TBR1: variants seen among roughly 807,000 people sequenced by gnomAD.
The protein encoded by TBR1 is T-box brain transcription factor 1.
Under a neutral mutation model 60.3 loss-of-function variants are expected in TBR1, and 7 were observed. The observed-to-expected ratio is 0.12, with a 90% CI of 0.07 to 0.22. The LOEUF (loss-of-function observed/expected upper bound fraction) is 0.22. Ranked by LOEUF, TBR1 falls within the 10% of genes least tolerant of loss-of-function variation. The pLI, the probability that TBR1 is intolerant of heterozygous loss-of-function variation, is 1.00. For missense variants in TBR1, 616 were observed against 936.8 expected (o/e 0.66, Z 4.47); for synonymous variants, 417 against 409.9 (o/e 1.02, Z -0.21).
chr2:161,423,948 C>T lies in TBR1; in HGVS notation c.1770C>T (p.Ala590=), dbSNP rs1357277521. The change falls in exon 6 of 6, where the codon GCC becomes GCT. Residue 590 remains alanine (A), a synonymous_variant. Transcript: ENST00000389554. ...PYLGEEAEGL[A]AERSPLPPGA... ...TGGGCGAGGAGGCCGAGGGCCTGGCCGCCGAGCGCTCGCCGCTGCCGCCCG... is the reference window on the plus strand; with the variant it reads ...TGGGCGAGGAGGCCGAGGGCCTGGCTGCCGAGCGCTCGCCGCTGCCGCCCG... 1 of 1,545,474 alleles carries T rather than the reference C, an allele frequency of 6.5e-7. No individual in the cohort carries two copies.
intron 3 of TBR1, 192 bp from the exon 4 acceptor site, chr2:161,418,700 C>T (rs184705284): frequency 8.0e-6 from 6 of 749,680 alleles, no homozygotes; most frequent in Admixed American, 3.7e-5. Flanking sequence ...TATCTTCGCT[C>T]CCAGAGGTGC....
Position 161,418,303 on chromosome 2 carries a change from C to G in TBR1, c.950C>G (p.Ala317Gly). 1 of 1,613,916 alleles carries G rather than the reference C, an allele frequency of 6.2e-7. No homozygotes were observed. Reference protein sequence around the residue: ...GKLKLTNNKGASNNNGQMVVL... With the variant: ...GKLKLTNNKGGSNNNGQMVVL... ...TTAAAACTTACGAACAACAAAGGAG[C>G]TTCAAATAACAATGGGCAGGTCAGT... is the stretch of plus-strand genomic sequence containing the variant. Residue 317 changes from alanine (A) to glycine (G), a missense_variant, in exon 3 of 6, where the codon GCT (alanine) becomes GGT (glycine). By Grantham distance (60) the Ala-to-Gly change is moderately conservative (BLOSUM62 0). Coordinates refer to ENST00000389554, the MANE Select transcript of TBR1 (RefSeq NM_006593.4).
intron 3 of TBR1, 26 bp from the exon 4 acceptor site, chr2:161,418,866 C>T (rs1304865671): frequency 6.3e-7 from 1 of 1,599,180 alleles, no homozygotes; most frequent in Non-Finnish European, 8.5e-7. Flanking sequence ...CGCCACCCGG[C>T]GCTCCCCTTT....
rs1370469318 is a variant in TBR1 at position 161,416,860 on chromosome 2, G to A, written c.450G>A (p.Pro150=). 3.7e-6 allele frequency: 6 copies of A among 1,613,946 alleles called. No individual in the cohort carries two copies. Among genetic ancestry groups the A allele is most frequent in the Non-Finnish European group, 4.2e-6 (5 of 1,179,994 alleles). ...GSPSRYMAHH[P]VITNGAYNSL... ...CTAGCCGCTACATGGCCCACCACCC[G>A]GTCATCACCAACGGAGCCTACAACA... The change falls in exon 1 of 6, where the codon CCG becomes CCA. Residue 150 remains proline, a synonymous_variant. Transcript: ENST00000389554. The surrounding 1 kb of genome is among the most constrained non-coding windows in gnomAD (Gnocchi z 6.1).
intron 5 of TBR1, chr2:161,420,790 G>A (rs3769956): frequency 0.099 from 15,138 of 152,442 alleles, 828 homozygotes; most frequent in African/African-American, 0.14. Flanking sequence ...AGTTGGCTAC[G>A]GACTGAATAC....
At chr2:161,422,960 G>GTT (rs1684256193) in intron 5 of TBR1, 1 of 164,454 alleles carries the variant, frequency 6.1e-6, no homozygotes, top group East Asian at 1.7e-4. Flanking sequence ...GCAGAGGAAA[G>GTT]GCCCACTGGG....
Position 161,417,596 on chromosome 2 carries a change from GC to G in TBR1, c.693-76del. On this transcript the variant is annotated intron_variant, in intron 1 of 5. Coordinates refer to ENST00000389554, the MANE Select transcript of TBR1 (RefSeq NM_006593.4). The surrounding 1 kb of genome is among the most constrained non-coding windows in gnomAD (Gnocchi z 5.3). ...TACAAGTTTTGCTTTGCTAACTGGC[GC>G]CCCGCTTCTTGCATTTAATCTTTAA... 6.6e-7 allele frequency: 1 copy of G among 1,515,954 alleles called. No individual in the cohort carries two copies. The highest frequency in any genetic ancestry group is 8.9e-7 in the Non-Finnish European group (1 of 1,126,928). The allele number at this position is 1,515,954 out of a possible 1,614,324, so 93.9% of individuals were successfully genotyped here. A position where few individuals can be genotyped will look rare whatever the true frequency, so the allele number is the denominator to read the frequency against.
chr2:161,423,584 C>A lies in TBR1; in HGVS notation c.1406C>A (p.Ser469Ter). 1 of 1,542,988 alleles carries A rather than the reference C, an allele frequency of 6.5e-7. No individual in the cohort carries two copies. Among genetic ancestry groups the A allele is most frequent in the Non-Finnish European group, 8.7e-7 (1 of 1,150,310 alleles). The change falls in exon 6 of 6, where the codon TCG becomes TAG. Residue 469 changes from serine to a stop codon, truncating the protein, a stop_gained. Coordinates refer to ENST00000389554, the MANE Select transcript of TBR1 (RefSeq NM_006593.4). LOFTEE classifies it high-confidence loss of function. ...GTGCCGCACACCAACGGGCTGCTGT[C>A]GCCGCAGCAGGCCGAGGACCCGGGC... ...RSVPHTNGLL[S>*]PQQAEDPGAP...
At position 161,423,441 on chromosome 2, in the gene TBR1, C is replaced by A; in HGVS notation, c.1263C>A (p.Pro421=). Residue 421 remains proline, a synonymous_variant, in exon 6 of 6, where the codon CCC becomes CCA. Transcript: ENST00000389554. ...PNDSPRSQIV[P]GARYAMAGSF... ...ACTCGCCGCGCTCGCAGATCGTGCC[C>A]GGGGCCCGCTACGCCATGGCCGGCT... 6.2e-7 allele frequency: 1 copy of A among 1,603,392 alleles called. No individual in the cohort carries two copies.
At position 161,423,481 on chromosome 2, in the gene TBR1, C is replaced by A; in HGVS notation, c.1303C>A (p.Gln435Lys). 1 of 1,607,050 alleles carries A rather than the reference C, an allele frequency of 6.2e-7. No individual in the cohort carries two copies. The change falls in exon 6 of 6, where the codon CAG (glutamine) becomes AAG (lysine). Residue 435 changes from glutamine to lysine, a missense_variant. Coordinates refer to ENST00000389554, the MANE Select transcript of TBR1 (RefSeq NM_006593.4). ...CATGGCCGGCTCTTTCCTGCAGGAC[C>A]AGTTCGTGAGCAACTACGCCAAGGC... Reference protein sequence around the residue: ...YAMAGSFLQDQFVSNYAKARF... With the variant: ...YAMAGSFLQDKFVSNYAKARF...
intron 5 of TBR1, chr2:161,422,559 C>T (rs184584623): frequency 6.6e-6 from 1 of 152,254 alleles, no homozygotes; most frequent in East Asian, 1.9e-4. Flanking sequence ...GTAGGTTTGC[C>T]CCGAAGTTTC....
chr2:161,416,478 G>C lies in TBR1; in HGVS notation c.68G>C (p.Ser23Thr). The C allele has an allele frequency of 6.2e-7, 1 of 1,613,934 alleles. No individual in the cohort carries two copies. Among genetic ancestry groups the C allele is most frequent in the Non-Finnish European group, 8.5e-7 (1 of 1,179,872 alleles). Residue 23 changes from serine to threonine, a missense_variant, in exon 1 of 6, where the codon AGC becomes ACC. Transcript: ENST00000389554. This position sits in a 1 kb window ranked among gnomAD's most constrained non-coding sequence, Gnocchi z 6.1. ...LSKKFLNVSS[S>T]YPHSGGSELV... ...AAGAAATTTCTCAATGTGAGCAGCA[G>C]CTACCCACATTCAGGCGGATCCGAG...
At position 161,417,456 on chromosome 2, in the gene TBR1, A is replaced by C; in HGVS notation, c.693-220A>C. 1 of 633,520 alleles carries C rather than the reference A, an allele frequency of 1.6e-6. No homozygotes were observed. Among genetic ancestry groups the C allele is most frequent in the East Asian group, 2.9e-5 (1 of 34,488 alleles). 39.2% of individuals were successfully genotyped at this position (633,520 alleles called of 1,614,324 possible). Reference sequence around the variant, plus strand: ...CTCGCTCTCCACCTGGGCAGTGATAACTGCCACCTTCCCACTCCAGCTCAC... The same window carrying C: ...CTCGCTCTCCACCTGGGCAGTGATACCTGCCACCTTCCCACTCCAGCTCAC... On this transcript the variant is annotated intron_variant, in intron 1 of 5. Coordinates refer to ENST00000389554, the MANE Select transcript of TBR1 (RefSeq NM_006593.4). The surrounding 1 kb of genome is among the most constrained non-coding windows in gnomAD (Gnocchi z 5.3).
In TBR1 at chr2:161,418,883, G is replaced by A. The variant is rs778035346; in HGVS notation, c.970-9G>A. 2 of 1,606,888 alleles carry A rather than the reference G, an allele frequency of 1.2e-6. No individual in the cohort carries two copies. Among genetic ancestry groups the A allele is most frequent in the African/African-American group, 1.3e-5 (1 of 74,368 alleles). On this transcript the variant is annotated splice_polypyrimidine_tract_variant and intron_variant, in intron 3 of 5. Coordinates refer to ENST00000389554, the MANE Select transcript of TBR1 (RefSeq NM_006593.4). Reference sequence around the variant, plus strand: ...CCACCCGGCGCTCCCCTTTCTTCCCGCCGGACAGATGGTGGTTTTACAGTC... The same window carrying A: ...CCACCCGGCGCTCCCCTTTCTTCCCACCGGACAGATGGTGGTTTTACAGTC...
In TBR1 at chr2:161,424,423, T is replaced by A; in HGVS notation, c.*196T>A. On this transcript the variant is annotated 3_prime_UTR_variant, in exon 6 of 6. Transcript: ENST00000389554. This position sits in a 1 kb window ranked among gnomAD's most constrained non-coding sequence, Gnocchi z 4.4. ...TTTTTTGCACAGCAGTCTCTGCAAT[T>A]AGCTCACCGACCTTCAACTTTGCTG... The A allele has an allele frequency of 1.6e-6, 1 of 615,902 alleles. No individual in the cohort carries two copies. The highest frequency in any genetic ancestry group is 2.8e-6 in the Non-Finnish European group (1 of 361,924). The allele number at this position is 615,902 out of a possible 1,614,324, so 38.2% of individuals were successfully genotyped here. A position where few individuals can be genotyped will look rare whatever the true frequency, so the allele number is the denominator to read the frequency against.
chr2:161,418,833 C>G (rs1322846592), intron 3 of TBR1, 59 bp from the exon 4 acceptor site: 4 of 1,575,932 alleles, frequency 2.5e-6, no homozygotes, highest in Admixed American at 1.8e-5. Flanking sequence ...CACACAGCCA[C>G]GCGCACAGCG....
At position 161,424,770 on chromosome 2, in the gene TBR1, G is replaced by A. The variant is rs769120445; in HGVS notation, c.*543G>A. 8 of 152,834 alleles carry A rather than the reference G, an allele frequency of 5.2e-5. No homozygotes were observed. Among genetic ancestry groups the A allele is most frequent in the Admixed American group, 2.0e-4 (3 of 15,296 alleles). The allele number at this position is 152,834 out of a possible 1,614,324, so 9.5% of individuals were successfully genotyped here. A position where few individuals can be genotyped will look rare whatever the true frequency, so the allele number is the denominator to read the frequency against. On this transcript the variant is annotated 3_prime_UTR_variant, in exon 6 of 6. Coordinates refer to ENST00000389554, the MANE Select transcript of TBR1 (RefSeq NM_006593.4). The surrounding 1 kb of genome is among the most constrained non-coding windows in gnomAD (Gnocchi z 4.4). Reference sequence around the variant, plus strand: ...AAAGCCTGTGAAATGATTGTACATAGTGTTAATTTATTGTAACGAATGGCT... The same window carrying A: ...AAAGCCTGTGAAATGATTGTACATAATGTTAATTTATTGTAACGAATGGCT...
At position 161,418,251 on chromosome 2, in the gene TBR1, A is replaced by G; in HGVS notation, c.898A>G (p.Met300Val). 1 of 1,614,072 alleles carries G rather than the reference A, an allele frequency of 6.2e-7. No individual in the cohort carries two copies. Among genetic ancestry groups the G allele is most frequent in the Non-Finnish European group, 8.5e-7 (1 of 1,180,008 alleles). ...PDSPNTGAHW[M>V]RQEISFGKLK... The stretch of plus-strand genomic sequence containing the variant: ...TTCCCCCAACACTGGGGCTCACTGG[A>G]TGCGCCAAGAAATCTCTTTTGGAAA... The change falls in exon 3 of 6, where the codon ATG becomes GTG. Residue 300 changes from methionine (M) to valine (V), a missense_variant. Met to Val is a conservative substitution (Grantham distance 21). Around this residue, in one of 8 missense-constraint regions of TBR1, gnomAD observed 85 missense variants for 164.9 expected, o/e 0.52. Coordinates refer to ENST00000389554, the MANE Select transcript of TBR1 (RefSeq NM_006593.4).
At position 161,416,809 on chromosome 2, in the gene TBR1, G is replaced by C; in HGVS notation, c.399G>C (p.Ala133=). The part of the protein sequence containing the change: ...MFPYPGQHGP[A]HPAFSIGSPS... The stretch of plus-strand genomic sequence containing the variant: ...CGTACCCCGGCCAGCACGGACCGGC[G>C]CACCCCGCCTTCTCCATCGGCAGCC... Residue 133 remains alanine (A), a synonymous_variant, in exon 1 of 6, where the codon GCG becomes GCC. Transcript: ENST00000389554. This position sits in a 1 kb window ranked among gnomAD's most constrained non-coding sequence, Gnocchi z 6.1. 1 of 1,614,062 alleles carries C rather than the reference G, an allele frequency of 6.2e-7. No homozygotes were observed. Among genetic ancestry groups the C allele is most frequent in the Non-Finnish European group, 8.5e-7 (1 of 1,180,028 alleles).
Sources: allele counts gnomAD v4.1 joint callset, GRCh38; gene constraint gnomAD v4.1.1; regional missense constraint gnomAD v4.1.1; non-coding constraint Gnocchi (gnomAD v3.1); transcripts MANE v1.5; gene names NCBI Gene and HGNC (gene_info 2026-07-23, HGNC 2026-07-21).